Variants in NXPH1 observed in about 807,000 individuals in gnomAD.
NXPH1 encodes the protein neurexophilin 1, also known as neurexophilin-1.
In NXPH1, 5 loss-of-function variants were observed where a neutral mutation model predicts 23.7. The observed-to-expected ratio is 0.21, with a 90% confidence interval of 0.11 to 0.44. NXPH1 has a LOEUF of 0.44. Ranked by LOEUF, NXPH1 falls within the 20% of genes least tolerant of loss-of-function variation. The pLI, the probability that NXPH1 is intolerant of heterozygous loss-of-function variation, is 0.99. For missense variants in NXPH1, 324 were observed against 321.6 expected (o/e 1.01, Z -0.06); for synonymous variants, 144 against 122.2 (o/e 1.18, Z -1.18).
At chr7:8,724,110 C>G (rs2107474) in intron 2 of NXPH1, among the ~76,000 whole-genome samples, 82,013 of 151,986 alleles carry the variant, frequency 0.54, 24,142 homozygotes, top group African/African-American at 0.79. Context: ...GTAGTTCCTT[C>G]AACAACAGCT....
At chr7:8,466,819 T>C (rs918034969) in intron 2 of NXPH1, among the ~76,000 whole-genome samples, 1 of 148,862 alleles carries the variant, frequency 6.7e-6, no homozygotes, top group Admixed American at 6.7e-5. Context: ...CCTCCCACCC[T>C]GCCCAGCTCC....
chr7:8,510,949 T>G (rs1371496741), intron 2 of NXPH1, among the ~76,000 whole-genome samples: 11 of 152,046 alleles, frequency 7.2e-5, no homozygotes. Flanking sequence ...TCTTGGGAAA[T>G]AAATACCTGT....
intron 2 of NXPH1, among the ~76,000 whole-genome samples, chr7:8,576,867 ACT>A (rs1199693159): frequency 1.3e-5 from 2 of 152,112 alleles, no homozygotes; most frequent in Non-Finnish European, 2.9e-5. Context: ...TTCCAGATGA[ACT>A]AGTAATCTTG....
intron 2 of NXPH1, among the ~76,000 whole-genome samples, chr7:8,622,318 G>A (rs115686455): frequency 3.7e-4 from 56 of 152,300 alleles, no homozygotes; most frequent in African/African-American, 1.2e-3. Context: ...CAATAAGACT[G>A]CGATCAAAAG....
intron 2 of NXPH1, among the ~76,000 whole-genome samples, chr7:8,510,223 T>G (rs1450607215): frequency 6.6e-6 from 1 of 152,186 alleles, no homozygotes; most frequent in Non-Finnish European, 1.5e-5. Context: ...TTTGCCCATT[T>G]TCAACATTGA....
Position 8,435,910 on chromosome 7 carries a change from T to C in NXPH1, c.54+143T>C. The C allele has an allele frequency of 1.3e-6, 1 of 798,372 alleles. No homozygotes were observed. The highest frequency in any genetic ancestry group is 2.2e-6 in the Non-Finnish European group (1 of 456,922). 49.5% of individuals were successfully genotyped at this position (798,372 alleles called of 1,614,324 possible). A position where few individuals can be genotyped will look rare whatever the true frequency, so the allele number is the denominator to read the frequency against. ...CTGTGTTGGAGCAACTTTGGCAAGC[T>C]GGTCTCTGGATTCCTGCGGATTTTC... On this transcript the variant is annotated intron_variant, in intron 2 of 2. Transcript: ENST00000405863. This position sits in a 1 kb window ranked among gnomAD's most constrained non-coding sequence, Gnocchi z 5.9.
At chr7:8,669,971 T>C (rs573432812) in intron 2 of NXPH1, among the ~76,000 whole-genome samples, 1 of 152,350 alleles carries the variant, frequency 6.6e-6, no homozygotes, top group South Asian at 2.1e-4. Flanking sequence ...AGTCCTATTC[T>C]GCCATATTGC....
chr7:8,439,126 T>TAA (rs1482891726), intron 2 of NXPH1, among the ~76,000 whole-genome samples: 1 of 152,196 alleles, frequency 6.6e-6, no homozygotes, highest in Non-Finnish European at 1.5e-5. Context: ...TTAAAAATAA[T>TAA]AAAAAAGTTT....
At chr7:8,436,131 G>T (rs1264468305) in intron 2 of NXPH1, among the ~76,000 whole-genome samples, 1 of 152,202 alleles carries the variant, frequency 6.6e-6, no homozygotes, top group African/African-American at 2.4e-5. Flanking sequence ...ACGAAGGGAA[G>T]TGGGGGTGTA....
intron 2 of NXPH1, among the ~76,000 whole-genome samples, chr7:8,588,744 A>T (rs368331152): frequency 6.6e-6 from 1 of 152,118 alleles, no homozygotes; most frequent in South Asian, 2.1e-4. Context: ...TTCTAAGATG[A>T]GGGAGCTGAG....
intron 2 of NXPH1, among the ~76,000 whole-genome samples, chr7:8,733,788 GA>G (rs1415161191): frequency 6.6e-6 from 1 of 152,154 alleles, no homozygotes. Flanking sequence ...CCCTTTGTCA[GA>G]TGGATAGATT....
chr7:8,461,524 T>C (rs1057258255), intron 2 of NXPH1, among the ~76,000 whole-genome samples: 1 of 152,180 alleles, frequency 6.6e-6, no homozygotes, highest in Non-Finnish European at 1.5e-5. Flanking sequence ...CTTTGTTGTT[T>C]TGCTCACTTT....
At chr7:8,447,797 C>T (rs1237371992) in intron 2 of NXPH1, among the ~76,000 whole-genome samples, 3 of 152,068 alleles carry the variant, frequency 2.0e-5, no homozygotes, top group Non-Finnish European at 4.4e-5. Context: ...TTGATGGATT[C>T]CCCCCCACCC....
Position 8,435,671 on chromosome 7 carries a change from G to A in NXPH1, c.-43G>A. 1 of 1,590,054 alleles carries A rather than the reference G, an allele frequency of 6.3e-7. No homozygotes were observed. The highest frequency in any genetic ancestry group is 8.6e-7 in the Non-Finnish European group (1 of 1,158,108). On this transcript the variant is annotated 5_prime_UTR_variant, in exon 2 of 3. Coordinates refer to ENST00000405863, the MANE Select transcript of NXPH1 (RefSeq NM_152745.3). The surrounding 1 kb of genome is among the most constrained non-coding windows in gnomAD (Gnocchi z 5.9). The stretch of plus-strand genomic sequence containing the variant: ...GGATCTATGTTTCTGAAGGAACAAA[G>A]ACTCAAAGAAGGCACCGCCAAGGAA...
At chr7:8,655,689 C>A (rs1332926207) in intron 2 of NXPH1, among the ~76,000 whole-genome samples, 3 of 152,030 alleles carry the variant, frequency 2.0e-5, no homozygotes, top group Non-Finnish European at 4.4e-5. Context: ...ATGGAAATAT[C>A]TATGCAGAGA....
intron 2 of NXPH1, among the ~76,000 whole-genome samples, chr7:8,516,962 T>G (rs1355219905): frequency 6.6e-6 from 1 of 152,140 alleles, no homozygotes; most frequent in African/African-American, 2.4e-5. Context: ...AGGGTTTAAT[T>G]AGATAGGATT....
At chr7:8,530,295 C>A (rs1042905461) in intron 2 of NXPH1, among the ~76,000 whole-genome samples, 1 of 152,154 alleles carries the variant, frequency 6.6e-6, no homozygotes, top group Admixed American at 6.5e-5. Context: ...TTTTAGAGAT[C>A]TTATCTTTTC....
At chr7:8,464,364 C>T (rs1380172970) in intron 2 of NXPH1, among the ~76,000 whole-genome samples, 1 of 152,118 alleles carries the variant, frequency 6.6e-6, no homozygotes, top group Non-Finnish European at 1.5e-5. Context: ...GCATCTTTTT[C>T]AAATTATTTG....
rs1352395057 is a variant in NXPH1 at position 8,726,429 on chromosome 7, C to T, written c.55-24579C>T. ...ATACATGTGCCATGCTGGTGCGCTG[C>T]ACCCACTAACTCGTCATCTAGCATT... is the stretch of plus-strand genomic sequence containing the variant. On this transcript the variant is annotated intron_variant, in intron 2 of 2. Coordinates refer to ENST00000405863, the MANE Select transcript of NXPH1 (RefSeq NM_152745.3). Among the ~76,000 whole-genome samples, 3 of 151,382 alleles carry T rather than the reference C, an allele frequency of 2.0e-5. No individual in the cohort carries two copies. In the East Asian group the frequency reaches 5.9e-4, roughly 30 times the overall value.
Sources: gnomAD v4.1 joint callset for allele counts (sites outside exome capture counted in the v4.1 genomes callset) on GRCh38, gnomAD v4.1.1 for gene constraint, Gnocchi (gnomAD v3.1) non-coding constraint, MANE v1.5 for transcripts, NCBI Gene and HGNC (gene_info 2026-07-23, HGNC 2026-07-21) for gene names.